Variants in MTA3 observed in about 807,000 individuals in gnomAD.
The protein encoded by MTA3 is metastasis associated 1 family member 3.
A neutral mutation model predicts 83.5 loss-of-function variants in MTA3; 34 were observed. That is an observed-to-expected ratio of 0.41 (90% confidence interval 0.31 to 0.54). The LOEUF (loss-of-function observed/expected upper bound fraction) is 0.54, where lower values mean the gene tolerates loss of function less well. Among genes scored for constraint, MTA3 ranks in the 20% least tolerant of loss-of-function variants. The probability of loss-of-function intolerance (pLI) is 0.33; values close to 1 mark genes in which losing one functional copy is unlikely to be tolerated. For synonymous variants in MTA3, 303 were observed against 252.7 expected, an observed-to-expected ratio of 1.20 and a Z score of -1.89; for missense variants, 761 against 726.4, an observed-to-expected ratio of 1.05 and a Z score of -0.55.
chr2:42,682,605 T>G lies in MTA3; in HGVS notation c.891+16T>G. Reference sequence around the variant, plus strand: ...GCAAGATTTTGTAAGTAGAAAATTATGAGTAAAATAAAATGTTGAGATGGG... The same window carrying G: ...GCAAGATTTTGTAAGTAGAAAATTAGGAGTAAAATAAAATGTTGAGATGGG... On this transcript the variant is annotated intron_variant, in intron 9 of 16. Coordinates refer to ENST00000405094, the MANE Select transcript of MTA3 (RefSeq NM_001330442.2). The G allele has an allele frequency of 6.3e-7, 1 of 1,592,842 alleles. No homozygotes were observed. Among genetic ancestry groups the G allele is most frequent in the Non-Finnish European group, 8.6e-7 (1 of 1,167,924 alleles).
chr2:42,688,234 C>T (rs1356465252), intron 9 of MTA3, among the ~76,000 whole-genome samples: 1 of 152,174 alleles, frequency 6.6e-6, no homozygotes, highest in African/African-American at 2.4e-5. Context: ...GCCACCATGT[C>T]TGGCTAACTT....
At chr2:42,523,882 A>G (rs1471463275) in intron 2 of MTA3, among the ~76,000 whole-genome samples, 1 of 152,112 alleles carries the variant, frequency 6.6e-6, no homozygotes, top group African/African-American at 2.4e-5. Flanking sequence ...GCACCATTGC[A>G]CTCCAACCTG....
chr2:42,528,754 G>C (rs1675831162), intron 2 of MTA3, among the ~76,000 whole-genome samples: 1 of 152,150 alleles, frequency 6.6e-6, no homozygotes, highest in Non-Finnish European at 1.5e-5. Context: ...AAAGACTTTA[G>C]ACAAATTAAA....
At chr2:42,632,128 C>T (rs1288035077) in intron 4 of MTA3, among the ~76,000 whole-genome samples, 8 of 117,664 alleles carry the variant, frequency 6.8e-5, no homozygotes, top group South Asian at 3.0e-4. Context: ...TCTTGCTCAT[C>T]GCCCAGGCTG....
In MTA3 at chr2:42,644,389, T is replaced by C. The variant is rs570892674; in HGVS notation, c.499+145T>C. The C allele has an allele frequency of 1.4e-3, 747 of 536,754 alleles. 3 individuals carry two copies. Among genetic ancestry groups the C allele is most frequent in the African/African-American group, 0.013 (671 of 51,026 alleles). 33.2% of individuals were successfully genotyped at this position (536,754 alleles called of 1,614,324 possible). On this transcript the variant is annotated intron_variant, in intron 6 of 16. Coordinates refer to ENST00000405094, the MANE Select transcript of MTA3 (RefSeq NM_001330442.2). ...CCATTTTACTGTTCTTTGTAAAAAA[T>C]AAAAAATAAATAAATAAATAGAGAT... is the stretch of plus-strand genomic sequence containing the variant.
At chr2:42,553,068 G>A (rs527850819) in intron 2 of MTA3, among the ~76,000 whole-genome samples, 2 of 152,194 alleles carry the variant, frequency 1.3e-5, no homozygotes, top group East Asian at 3.9e-4. Flanking sequence ...CTTGAGGCCA[G>A]GAGTTTGAGA....
chr2:42,615,120 A>G (rs1278647988), intron 4 of MTA3, among the ~76,000 whole-genome samples: 1 of 151,886 alleles, frequency 6.6e-6, no homozygotes, highest in African/African-American at 2.4e-5. Context: ...GCGAAACCCC[A>G]TCTCTCCTAA....
chr2:42,600,050 T>G (rs866013539), intron 3 of MTA3, among the ~76,000 whole-genome samples: 15 of 151,852 alleles, frequency 9.9e-5, no homozygotes, highest in African/African-American at 3.1e-4. Flanking sequence ...CAAAAAAAAT[T>G]AGCTGGGTGT....
At chr2:42,678,991 C>A (rs1356243774) in intron 8 of MTA3, among the ~76,000 whole-genome samples, 1 of 152,084 alleles carries the variant, frequency 6.6e-6, no homozygotes, top group East Asian at 1.9e-4. Context: ...GTGAGGTAGG[C>A]AGCATGGATA....
chr2:42,503,839 A>ATAGTTTGTT (rs1674505157), intron 2 of MTA3, among the ~76,000 whole-genome samples: 1 of 152,012 alleles, frequency 6.6e-6, no homozygotes, highest in South Asian at 2.1e-4. Context: ...GCAAGCCCCC[A>ATAGTTTGTT]TCATTTAAAC....
chr2:42,515,894 G>A (rs1675124762), intron 2 of MTA3, among the ~76,000 whole-genome samples: 1 of 149,320 alleles, frequency 6.7e-6, no homozygotes. Context: ...AGGCTGGAGT[G>A]CAGTGGTGCG....
rs569207752 is a variant in MTA3 at position 42,570,971 on chromosome 2, C to G, written c.96+467C>G. 5.9e-5 allele frequency among the ~76,000 whole-genome samples: 9 copies of G among 151,374 alleles called. No individual in the cohort carries two copies. The East Asian group carries it at 1.8e-3, about 30-fold the overall frequency. On this transcript the variant is annotated intron_variant, in intron 2 of 16. Transcript: ENST00000405094. Reference sequence around the variant, plus strand: ...GAGGTTGCGGTGAGCCAAGATTGTGCAATTGCACCCTAGCCTGGGCAATGA... The same window carrying G: ...GAGGTTGCGGTGAGCCAAGATTGTGGAATTGCACCCTAGCCTGGGCAATGA...
At chr2:42,585,918 A>G (rs1453505691) in intron 3 of MTA3, among the ~76,000 whole-genome samples, 1 of 152,190 alleles carries the variant, frequency 6.6e-6, no homozygotes, top group African/African-American at 2.4e-5. Context: ...AGCCTGGGCA[A>G]TAGAGTGACA....
chr2:42,745,822 C>CTATTTTTTTTTTTTTTTTTTT (rs1573837375), intron 16 of MTA3, among the ~76,000 whole-genome samples: 1 of 74,732 alleles, frequency 1.3e-5, no homozygotes, highest in African/African-American at 5.4e-5. Flanking sequence ...TGAAATAGTC[C>CTATTTTTTTTTTTTTTTTTTT]TCTTTTTTTT....
intron 9 of MTA3, among the ~76,000 whole-genome samples, chr2:42,684,588 C>G (rs747310307): frequency 2.0e-5 from 3 of 152,132 alleles, no homozygotes; most frequent in Non-Finnish European, 4.4e-5. Context: ...AATAATAGAG[C>G]TACAGCTACA....
At chr2:42,546,248 GC>G (rs1448405931) in intron 2 of MTA3, among the ~76,000 whole-genome samples, 1 of 152,136 alleles carries the variant, frequency 6.6e-6, no homozygotes, top group African/African-American at 2.4e-5. Flanking sequence ...ATTGTTACAT[GC>G]TAATGAAGTG....
chr2:42,600,027 T>C (rs894812501), intron 3 of MTA3, among the ~76,000 whole-genome samples: 1 of 113,784 alleles, frequency 8.8e-6, no homozygotes, highest in Non-Finnish European at 1.8e-5. Context: ...AAACCCTGTC[T>C]GTACTAAAAA....
intron 2 of MTA3, among the ~76,000 whole-genome samples, chr2:42,496,192 A>G (rs1674122850): frequency 6.6e-6 from 1 of 152,240 alleles, no homozygotes; most frequent in South Asian, 2.1e-4. Flanking sequence ...CTTAGAAAAC[A>G]AATTAATTTG....
At chr2:42,686,026 A>C (rs1692334862) in intron 9 of MTA3, among the ~76,000 whole-genome samples, 1 of 152,172 alleles carries the variant, frequency 6.6e-6, no homozygotes, top group Admixed American at 6.5e-5. Context: ...TGCAACAAAA[A>C]GTCTCCTGGG....
Sources: allele counts gnomAD v4.1 joint callset (sites outside exome capture counted in the v4.1 genomes callset), GRCh38; gene constraint gnomAD v4.1.1; transcripts MANE v1.5; gene names NCBI Gene and HGNC (gene_info 2026-07-23, HGNC 2026-07-21).